The following RELT variants were observed in gnomAD, a reference collection of about 807,000 sequenced individuals.
The protein encoded by RELT is RELT TNF receptor.
Under a neutral mutation model 51.1 loss-of-function variants are expected in RELT, and 37 were observed. The observed-to-expected ratio is 0.72, with a 90% CI of 0.56 to 0.95. The LOEUF is 0.95. Among genes scored for constraint, RELT ranks in the 40% least tolerant of loss-of-function variants. The probability of loss-of-function intolerance (pLI) is 0.00; values close to 1 mark genes in which losing one functional copy is unlikely to be tolerated. For synonymous variants in RELT, 241 were observed against 235.7 expected, an observed-to-expected ratio of 1.02 and a Z score of -0.21; for missense variants, 535 against 572.6, an observed-to-expected ratio of 0.93 and a Z score of 0.67.
At chr11:73,382,974 G>T (rs1866071691) in intron 1 of RELT, among the ~76,000 whole-genome samples, 1 of 152,176 alleles carries the variant, frequency 6.6e-6, no homozygotes, top group East Asian at 1.9e-4. Flanking sequence ...GGCCAATTTA[G>T]CCCCCTTAGC....
chr11:73,394,928 C>A lies in RELT; in HGVS notation c.1047-159C>A. 4.6e-6 allele frequency: 4 copies of A among 877,902 alleles called. No individual in the cohort carries two copies. In the East Asian group the frequency reaches 7.9e-5, roughly 17 times the overall value. The allele number at this position is 877,902 out of a possible 1,614,324, so 54.4% of individuals were successfully genotyped here. A position where few individuals can be genotyped will look rare whatever the true frequency, so the allele number is the denominator to read the frequency against. On this transcript the variant is annotated intron_variant, in intron 9 of 10. Coordinates refer to ENST00000064780, the MANE Select transcript of RELT (RefSeq NM_152222.2). The surrounding 1 kb of genome is among the most constrained non-coding windows in gnomAD (Gnocchi z 4.9). ...GGTTATGTTGTGTCTCACATGGAGC[C>A]CTTGCATCCCTAGGGCAGCATCTTG...
At chr11:73,382,526 GC>G (rs1237833130) in intron 1 of RELT, among the ~76,000 whole-genome samples, 1 of 152,222 alleles carries the variant, frequency 6.6e-6, no homozygotes, top group Non-Finnish European at 1.5e-5. Context: ...GCAACACAGG[GC>G]TGTCTGTGGT....
Position 73,394,424 on chromosome 11 carries a change from G to A in RELT, c.789-53G>A. The A allele has an allele frequency of 6.2e-7, 1 of 1,608,218 alleles. No individual in the cohort carries two copies. Among genetic ancestry groups the A allele is most frequent in the Non-Finnish European group, 8.5e-7 (1 of 1,175,934 alleles). Reference sequence around the variant, plus strand: ...CTCAAGTCACCCTGTTCCCTGCTGGGGTCTCCTGCCCCTGGCCTGGCCTAT... The same window carrying A: ...CTCAAGTCACCCTGTTCCCTGCTGGAGTCTCCTGCCCCTGGCCTGGCCTAT... On this transcript the variant is annotated intron_variant, in intron 8 of 10. Coordinates refer to ENST00000064780, the MANE Select transcript of RELT (RefSeq NM_152222.2). This position sits in a 1 kb window ranked among gnomAD's most constrained non-coding sequence, Gnocchi z 4.9.
intron 5 of RELT, 164 bp from the exon 6 acceptor site, chr11:73,392,047 G>A (rs1290950428): frequency 2.2e-5 from 17 of 784,258 alleles, no homozygotes; most frequent in Middle Eastern, 3.7e-4. Flanking sequence ...AGGGAAAACA[G>A]GAGGGCAGTG....
intron 5 of RELT, among the ~76,000 whole-genome samples, chr11:73,391,802 C>T (rs1217047261): frequency 6.6e-6 from 1 of 151,958 alleles, no homozygotes; most frequent in Admixed American, 6.6e-5. Context: ...GATGAGTGTG[C>T]GCATGCAAAC....
At position 73,389,168 on chromosome 11, in the gene RELT, C is replaced by T; in HGVS notation, c.32C>T (p.Ser11Phe). The T allele has an allele frequency of 6.5e-7, 1 of 1,550,016 alleles. No individual in the cohort carries two copies. Among genetic ancestry groups the T allele is most frequent in the South Asian group, 1.2e-5 (1 of 84,076 alleles). The change falls in exon 2 of 11, where the codon TCC (serine) becomes TTC (phenylalanine). Residue 11 changes from serine to phenylalanine, a missense_variant. Ser to Phe is a radical substitution (Grantham distance 155). Transcript: ENST00000064780. ...CCAAGTCTGCTGTGCCGGCCCCTGT[C>T]CTGCTTCCTTATGGTGAGCTGGGGA... MKPSLLCRPL[S>F]CFLMLLPWPL...
Position 73,388,050 on chromosome 11 carries a change from T to C in RELT, c.-25-1062T>C, listed in dbSNP as rs1040416763. Among the ~76,000 whole-genome samples, 22 of 152,232 alleles carry C rather than the reference T, an allele frequency of 1.4e-4. No homozygotes were observed. The highest frequency in any genetic ancestry group is 5.1e-4 in the African/African-American group (21 of 41,464). The stretch of plus-strand genomic sequence containing the variant: ...GTCTGATGTGAATCCTTTGTCCTGC[T>C]GTGTCCGCCTCGTCCACTGGCCGGA... On this transcript the variant is annotated intron_variant, in intron 1 of 10. Transcript: ENST00000064780. The surrounding 1 kb of genome is among the most constrained non-coding windows in gnomAD (Gnocchi z 4.1).
intron 4 of RELT, 22 bp from the exon 5 acceptor site, chr11:73,391,122 G>C: frequency 6.2e-7 from 1 of 1,610,716 alleles, no homozygotes; most frequent in Non-Finnish European, 8.5e-7. Context: ...CTGGGCCTCA[G>C]TGGTATCTTC....
Position 73,391,652 on chromosome 11 carries a change from C to T in RELT, c.367+429C>T, listed in dbSNP as rs571775991. ...CAAAAAATAAAAATAAAAAATTAGC[C>T]GGGCGTGGTGGTGCTACTCGGGAGG... is the stretch of plus-strand genomic sequence containing the variant. On this transcript the variant is annotated intron_variant, in intron 5 of 10. Transcript: ENST00000064780. Among the ~76,000 whole-genome samples the T allele has an allele frequency of 7.9e-5, 12 of 152,190 alleles. No homozygotes were observed. In the East Asian group the frequency reaches 1.4e-3, roughly 17 times the overall value.
intron 6 of RELT, 93 bp from the exon 7 acceptor site, chr11:73,393,744 A>C (rs758507243): frequency 2.6e-6 from 4 of 1,560,224 alleles, no homozygotes; most frequent in Non-Finnish European, 3.5e-6. Flanking sequence ...GCCCTTAAGA[A>C]GGCCAGGGTT....
rs780774563 is a variant in RELT at position 73,392,245 on chromosome 11, G to A, written c.402G>A (p.Val134=). ...WGRRARRGVE[V]AAGASSGGET... ...GGCGGGCCCGACGTGGCGTGGAGGT[G>A]GCAGCAGGGGCCAGCAGCGGTGGTG... Residue 134 remains valine (V), a synonymous_variant, in exon 6 of 11, where the codon GTG becomes GTA. Transcript: ENST00000064780. 3 of 1,612,614 alleles carry A rather than the reference G, an allele frequency of 1.9e-6. No homozygotes were observed. Among genetic ancestry groups the A allele is most frequent in the Non-Finnish European group, 2.5e-6 (3 of 1,179,542 alleles).
At position 73,394,031 on chromosome 11, in the gene RELT, G is replaced by T; in HGVS notation, c.706+114G>T. On this transcript the variant is annotated intron_variant, in intron 7 of 10. Transcript: ENST00000064780. The surrounding 1 kb of genome is among the most constrained non-coding windows in gnomAD (Gnocchi z 4.9). The stretch of plus-strand genomic sequence containing the variant: ...TGCCCTGCTCTGCCTTCCCTGCCAG[G>T]GTGCCTCAAGCAGCCTGGTGCTCTC... 1.8e-6 allele frequency: 2 copies of T among 1,140,304 alleles called. No individual in the cohort carries two copies. Among genetic ancestry groups the T allele is most frequent in the Non-Finnish European group, 2.6e-6 (2 of 762,016 alleles). The allele number at this position is 1,140,304 out of a possible 1,614,324, so 70.6% of individuals were successfully genotyped here. A position where few individuals can be genotyped will look rare whatever the true frequency, so the allele number is the denominator to read the frequency against.
intron 6 of RELT, chr11:73,392,944 C>A: frequency 9.9e-7 from 1 of 1,006,528 alleles, no homozygotes; most frequent in Non-Finnish European, 1.2e-6. Flanking sequence ...GGCCTGGAAC[C>A]GGAGGGACAG....
Position 73,394,414 on chromosome 11 carries a change from T to G in RELT, c.789-63T>G. ...TTGGGTCTCCCTCAAGTCACCCTGTTCCCTGCTGGGGTCTCCTGCCCCTGG... is the reference window on the plus strand; with the variant it reads ...TTGGGTCTCCCTCAAGTCACCCTGTGCCCTGCTGGGGTCTCCTGCCCCTGG... On this transcript the variant is annotated intron_variant, in intron 8 of 10. Transcript: ENST00000064780. The surrounding 1 kb of genome is among the most constrained non-coding windows in gnomAD (Gnocchi z 4.9). 1 of 1,609,340 alleles carries G rather than the reference T, an allele frequency of 6.2e-7. No homozygotes were observed. The highest frequency in any genetic ancestry group is 8.5e-7 in the Non-Finnish European group (1 of 1,176,738).
intron 2 of RELT, 132 bp from the exon 3 acceptor site, chr11:73,390,419 G>A: frequency 1.3e-6 from 1 of 763,690 alleles, no homozygotes. Flanking sequence ...AGAAGAGTGT[G>A]TCCCTGAAGC....
At chr11:73,380,202 G>A (rs989664314) in intron 1 of RELT, among the ~76,000 whole-genome samples, 5 of 152,178 alleles carry the variant, frequency 3.3e-5, no homozygotes, top group African/African-American at 1.2e-4. Context: ...CTGTGCTGAC[G>A]AGACCTCTTC....
chr11:73,380,468 C>T (rs1390212199), intron 1 of RELT, among the ~76,000 whole-genome samples: 2 of 152,196 alleles, frequency 1.3e-5, no homozygotes, highest in Non-Finnish European at 2.9e-5. Context: ...CCAGCATTTC[C>T]TCACAACAGC....
At position 73,395,675 on chromosome 11, in the gene RELT, G is replaced by A. The variant is rs1297075061; in HGVS notation, c.*184G>A. 1.4e-5 allele frequency: 9 copies of A among 633,016 alleles called. 1 individual carries two copies. The highest frequency in any genetic ancestry group is 2.6e-5 in the Non-Finnish European group (9 of 349,518). The allele number at this position is 633,016 out of a possible 1,614,324, so 39.2% of individuals were successfully genotyped here. A position where few individuals can be genotyped will look rare whatever the true frequency, so the allele number is the denominator to read the frequency against. On this transcript the variant is annotated 3_prime_UTR_variant, in exon 11 of 11. Coordinates refer to ENST00000064780, the MANE Select transcript of RELT (RefSeq NM_152222.2). ...CAGTGAGGAGGCAGGTGGCCGGCGG[G>A]CACTGTGTACAGGAGCAGGCTGAGC...
In RELT at chr11:73,394,176, AG is replaced by A; in HGVS notation, c.707-55del. 1 of 1,420,964 alleles carries A rather than the reference AG, an allele frequency of 7.0e-7. No individual in the cohort carries two copies. The highest frequency in any genetic ancestry group is 9.7e-7 in the Non-Finnish European group (1 of 1,035,886). The allele number at this position is 1,420,964 out of a possible 1,614,324, so 88.0% of individuals were successfully genotyped here. A position where few individuals can be genotyped will look rare whatever the true frequency, so the allele number is the denominator to read the frequency against. On this transcript the variant is annotated intron_variant, in intron 7 of 10. Transcript: ENST00000064780. This position sits in a 1 kb window ranked among gnomAD's most constrained non-coding sequence, Gnocchi z 4.9. ...TAGGTGGGGGGTTCTCTGCTGGGGC[AG>A]GGGGTGGGAGGTGTGTCCCATATGG...
Sources: gnomAD v4.1 joint callset for allele counts (sites outside exome capture counted in the v4.1 genomes callset) on GRCh38, gnomAD v4.1.1 for gene constraint, Gnocchi (gnomAD v3.1) non-coding constraint, MANE v1.5 for transcripts, NCBI Gene and HGNC (gene_info 2026-07-23, HGNC 2026-07-21) for gene names.